Variants in ERC2 observed in about 807,000 individuals in gnomAD.
The protein encoded by ERC2 is ELKS/RAB6-interacting/CAST family member 2.
Under a neutral mutation model 114.8 loss-of-function variants are expected in ERC2, and 42 were observed. That is an observed-to-expected ratio of 0.37 (90% confidence interval 0.29 to 0.47). ERC2 has a LOEUF of 0.47. Among genes scored for constraint, ERC2 ranks in the 20% least tolerant of loss-of-function variants. The probability of loss-of-function intolerance (pLI) is 0.99; values close to 1 mark genes in which losing one functional copy is unlikely to be tolerated. For synonymous variants in ERC2, 454 were observed against 425.5 expected (o/e 1.07, Z -0.82); for missense variants, 939 against 1,150.7 (o/e 0.82, Z 2.66).
intron 17 of ERC2, among the ~76,000 whole-genome samples, chr3:55,545,150 C>A (rs576662470): frequency 8.3e-4 from 127 of 152,316 alleles, no homozygotes; most frequent in Middle Eastern, 3.4e-3. Context: ...TTTAGAATAT[C>A]TCTGGAAACC....
intron 1 of ERC2, among the ~76,000 whole-genome samples, chr3:56,464,145 C>T (rs1253734380): frequency 6.6e-6 from 1 of 152,192 alleles, no homozygotes; most frequent in African/African-American, 2.4e-5. Context: ...ATCCTCTAAC[C>T]ATAATTTTTA....
chr3:56,367,763 G>C (rs966568310), intron 2 of ERC2, among the ~76,000 whole-genome samples: 14 of 152,000 alleles, frequency 9.2e-5, no homozygotes, highest in Non-Finnish European at 1.5e-4. Flanking sequence ...ATCCTGAATA[G>C]CAAAAGCTAA....
chr3:56,169,836 T>A (rs137884958), intron 4 of ERC2, among the ~76,000 whole-genome samples: 72 of 150,546 alleles, frequency 4.8e-4, no homozygotes, highest in African/African-American at 1.7e-3. Flanking sequence ...AATGGCTTTA[T>A]GAATGACCCA....
intron 6 of ERC2, among the ~76,000 whole-genome samples, chr3:56,099,570 G>C (rs1560170791): frequency 2.0e-5 from 3 of 152,140 alleles, no homozygotes; most frequent in African/African-American, 7.2e-5. Context: ...TGTGGTCCAA[G>C]AGTCTCCATC....
chr3:55,712,247 A>G (rs371246292), intron 15 of ERC2, among the ~76,000 whole-genome samples: 1 of 152,226 alleles, frequency 6.6e-6, no homozygotes, highest in Non-Finnish European at 1.5e-5. Flanking sequence ...AGAGAAGAGC[A>G]TAAGTGAAGG....
At chr3:55,737,383 C>A (rs1294827410) in intron 14 of ERC2, among the ~76,000 whole-genome samples, 1 of 152,190 alleles carries the variant, frequency 6.6e-6, no homozygotes, top group East Asian at 1.9e-4. Context: ...ACAGCTGAGA[C>A]AATAGACATG....
intron 3 of ERC2, among the ~76,000 whole-genome samples, chr3:56,221,613 T>C (rs1306549418): frequency 6.6e-6 from 1 of 152,112 alleles, no homozygotes; most frequent in African/African-American, 2.4e-5. Flanking sequence ...CTGCATAAAA[T>C]CTAAAAAGCA....
At chr3:56,448,094 A>C (rs570261932) in intron 1 of ERC2, among the ~76,000 whole-genome samples, 3 of 152,238 alleles carry the variant, frequency 2.0e-5, no homozygotes, top group African/African-American at 4.8e-5. Flanking sequence ...CACTGTCTAG[A>C]CCAAGACTTA....
At chr3:55,944,771 T>G (rs1233915438) in intron 13 of ERC2, among the ~76,000 whole-genome samples, 1 of 152,144 alleles carries the variant, frequency 6.6e-6, no homozygotes, top group Non-Finnish European at 1.5e-5. Flanking sequence ...GCAAAAGTCG[T>G]TTTTTTGGCT....
chr3:56,156,573 G>C (rs2081733602), intron 4 of ERC2, among the ~76,000 whole-genome samples: 1 of 152,118 alleles, frequency 6.6e-6, no homozygotes, highest in African/African-American at 2.4e-5. Flanking sequence ...GGTACTCTGA[G>C]GGTTTGGGGT....
intron 2 of ERC2, among the ~76,000 whole-genome samples, chr3:56,320,180 T>C (rs1215275598): frequency 6.6e-6 from 1 of 152,166 alleles, no homozygotes; most frequent in Admixed American, 6.5e-5. Context: ...ATACACAGTA[T>C]CTGTACTGTG....
chr3:56,438,389 G>A (rs916131576), intron 1 of ERC2, among the ~76,000 whole-genome samples: 3 of 150,764 alleles, frequency 2.0e-5, no homozygotes, highest in African/African-American at 7.3e-5. Context: ...TACGTTAGTT[G>A]GTCAAGGAGA....
In ERC2 at chr3:55,749,527, C is replaced by T. The variant is rs979181779; in HGVS notation, c.2565-14609G>A. Among the ~76,000 whole-genome samples, 4 of 152,154 alleles carry T rather than the reference C, an allele frequency of 2.6e-5. No individual in the cohort carries two copies. The South Asian group carries it at 6.2e-4, about 24-fold the overall frequency. ...ACCAATCAGGAACTTTTCTGTCTCA[C>T]AAGAGGATTGTAAAATGCACCAATC... On this transcript the variant is annotated intron_variant, in intron 14 of 17. Coordinates refer to ENST00000288221, the MANE Select transcript of ERC2 (RefSeq NM_015576.3).
rs1476098001 is a variant in ERC2 at position 55,875,720 on chromosome 3, ACACACT to A, written c.2564+12663_2564+12668del. ...CACACACACACACACACACACACAC[ACACACT>A]CTCTCTCTCTCACCCCTCTTCCCAC... On this transcript the variant is annotated intron_variant, in intron 14 of 17. Transcript: ENST00000288221. Among the ~76,000 whole-genome samples, 1,368 of 146,874 alleles carry A rather than the reference ACACACT, an allele frequency of 9.3e-3. 21 individuals carry two copies. Among genetic ancestry groups the A allele is most frequent in the African/African-American group, 0.034 (1,291 of 37,646 alleles).
chr3:56,243,588 G>C (rs973112580), intron 3 of ERC2, among the ~76,000 whole-genome samples: 2 of 152,160 alleles, frequency 1.3e-5, no homozygotes, highest in African/African-American at 4.8e-5. Flanking sequence ...TGAAGAAAAA[G>C]AGATTAATTG....
chr3:56,078,695 AC>A (rs1228348958), intron 7 of ERC2, among the ~76,000 whole-genome samples: 3 of 152,150 alleles, frequency 2.0e-5, no homozygotes, highest in Non-Finnish European at 4.4e-5. Flanking sequence ...CCTACCCAAG[AC>A]TTTAACTCTG....
chr3:56,091,580 G>T (rs1411020087), intron 6 of ERC2, among the ~76,000 whole-genome samples: 1 of 152,126 alleles, frequency 6.6e-6, no homozygotes, highest in African/African-American at 2.4e-5. Context: ...TTCCCCTAAT[G>T]ACCAGGTAGG....
At chr3:56,407,645 A>C (rs927701447) in intron 2 of ERC2, among the ~76,000 whole-genome samples, 1 of 152,176 alleles carries the variant, frequency 6.6e-6, no homozygotes, top group African/African-American at 2.4e-5. Flanking sequence ...GAGGGGTGAG[A>C]GTCTGCATTT....
chr3:55,514,456 A>C (rs937416488), intron 17 of ERC2, among the ~76,000 whole-genome samples: 2 of 152,164 alleles, frequency 1.3e-5, no homozygotes, highest in Non-Finnish European at 1.5e-5. Context: ...AAAAAATAAA[A>C]TTTTTTAAAA....
Sources: allele counts gnomAD v4.1 joint callset (sites outside exome capture counted in the v4.1 genomes callset), GRCh38; gene constraint gnomAD v4.1.1; transcripts MANE v1.5; gene names NCBI Gene and HGNC (gene_info 2026-07-23, HGNC 2026-07-21).